Variants in AIG1 observed in about 807,000 individuals in gnomAD.
The protein encoded by AIG1 is androgen induced 1.
A neutral mutation model predicts 31.4 loss-of-function variants in AIG1; 23 were observed. The observed-to-expected ratio is 0.73, with a 90% CI of 0.53 to 1.04. AIG1 has a LOEUF of 1.04. Among genes scored for constraint, AIG1 ranks in the 50% least tolerant of loss-of-function variants. AIG1 has a pLI of 0.00. For synonymous variants in AIG1, 100 were observed against 110.5 expected, an observed-to-expected ratio of 0.90 and a Z score of 0.60; for missense variants, 274 against 295.0, an observed-to-expected ratio of 0.93 and a Z score of 0.52.
chr6:143,285,509 A>G (rs1421135394), intron 4 of AIG1, among the ~76,000 whole-genome samples: 1 of 151,380 alleles, frequency 6.6e-6, no homozygotes, highest in Non-Finnish European at 1.5e-5. Flanking sequence ...TAAAAATACA[A>G]AAAATTAGCC....
In AIG1 at chr6:143,072,139, A is replaced by G. The variant is rs186593065; in HGVS notation, c.141+11073A>G. 9.2e-5 allele frequency among the ~76,000 whole-genome samples: 14 copies of G among 152,188 alleles called. No homozygotes were observed. In the East Asian group the frequency reaches 2.3e-3, roughly 25 times the overall value. ...TTTCAAATGGCTAACGACGTTGAAT[A>G]TATTTTCATGTGCTTACTTGCCATC... is the stretch of plus-strand genomic sequence containing the variant. On this transcript the variant is annotated intron_variant, in intron 1 of 5. Transcript: ENST00000357847.
At chr6:143,323,694 G>A (rs1776397570) in intron 4 of AIG1, among the ~76,000 whole-genome samples, 1 of 152,008 alleles carries the variant, frequency 6.6e-6, no homozygotes, top group African/African-American at 2.4e-5. Flanking sequence ...TGTTCATCAG[G>A]AATCTTGGCA....
intron 4 of AIG1, among the ~76,000 whole-genome samples, chr6:143,320,175 C>T (rs1776093766): frequency 6.6e-6 from 1 of 152,096 alleles, no homozygotes; most frequent in Non-Finnish European, 1.5e-5. Flanking sequence ...AAGATATCAC[C>T]TCACACCAGT....
In AIG1 at chr6:143,297,063, T is replaced by C. The variant is rs1446709435; in HGVS notation, c.515+12838T>C. On this transcript the variant is annotated intron_variant, in intron 4 of 5. Coordinates refer to ENST00000357847, the MANE Select transcript of AIG1 (RefSeq NM_016108.4). The surrounding 1 kb of genome is among the most constrained non-coding windows in gnomAD (Gnocchi z 5.1). ...AAGGATACAGGGAACTAAAAAGCAA[T>C]AGTCATCCAGTTGATAACTGCTATT... Among the ~76,000 whole-genome samples the C allele has an allele frequency of 1.3e-5, 2 of 151,868 alleles. No homozygotes were observed. Among genetic ancestry groups the C allele is most frequent in the Non-Finnish European group, 2.9e-5 (2 of 68,014 alleles).
intron 1 of AIG1, among the ~76,000 whole-genome samples, chr6:143,101,711 C>T (rs1780296211): frequency 6.6e-6 from 1 of 152,112 alleles, no homozygotes; most frequent in Non-Finnish European, 1.5e-5. Flanking sequence ...TCAGTATATA[C>T]TGCTCAGGTT....
intron 1 of AIG1, among the ~76,000 whole-genome samples, chr6:143,122,624 C>G (rs992340301): frequency 6.6e-6 from 1 of 152,144 alleles, no homozygotes; most frequent in Non-Finnish European, 1.5e-5. Context: ...TTTCTCTTAA[C>G]TATTTTCTTG....
At chr6:143,065,117 ATGT>A (rs1313153149) in intron 1 of AIG1, among the ~76,000 whole-genome samples, 1 of 152,164 alleles carries the variant, frequency 6.6e-6, no homozygotes, top group East Asian at 1.9e-4. Flanking sequence ...CAACGGTGGA[ATGT>A]TGTAATGTTG....
intron 3 of AIG1, among the ~76,000 whole-genome samples, chr6:143,265,827 A>G (rs1796115380): frequency 6.6e-6 from 1 of 152,196 alleles, no homozygotes; most frequent in Non-Finnish European, 1.5e-5. Context: ...ATCCTCACTC[A>G]TTCCCTCATT....
intron 3 of AIG1, among the ~76,000 whole-genome samples, chr6:143,238,928 G>A (rs1794014987): frequency 1.3e-5 from 2 of 152,178 alleles, no homozygotes; most frequent in South Asian, 2.1e-4. Context: ...CTTGAATCCA[G>A]ACACTGTAGA....
At chr6:143,139,622 A>G (rs1562417545) in intron 2 of AIG1, among the ~76,000 whole-genome samples, 1 of 151,386 alleles carries the variant, frequency 6.6e-6, no homozygotes, top group Non-Finnish European at 1.5e-5. Context: ...CTAGTCTATT[A>G]TTTTCCTAAA....
At chr6:143,098,167 C>G (rs1779957868) in intron 1 of AIG1, among the ~76,000 whole-genome samples, 1 of 152,210 alleles carries the variant, frequency 6.6e-6, no homozygotes, top group African/African-American at 2.4e-5. Flanking sequence ...GTCTACACTT[C>G]TGGTTTTCAC....
At chr6:143,342,380 C>T (rs1018315297), downstream of AIG1, 4 of 686,876 alleles carry the variant, frequency 5.8e-6, no homozygotes, top group East Asian at 1.0e-4. Context: ...GGTTTAACTT[C>T]TTTATTCAGA....
intron 1 of AIG1, among the ~76,000 whole-genome samples, chr6:143,085,895 C>A (rs1436315463): frequency 6.6e-6 from 1 of 152,188 alleles, no homozygotes; most frequent in African/African-American, 2.4e-5. Flanking sequence ...AGATTTAAAT[C>A]CCCTGTTAGG....
intron 2 of AIG1, 61 bp from the exon 3 acceptor site, chr6:143,165,021 A>G: frequency 7.7e-7 from 1 of 1,294,610 alleles, no homozygotes; most frequent in East Asian, 2.3e-5. Flanking sequence ...TTGTTAACCA[A>G]TAAATTGTAT....
intron 3 of AIG1, among the ~76,000 whole-genome samples, chr6:143,244,683 G>T (rs1370391021): frequency 1.3e-5 from 2 of 152,230 alleles, no homozygotes; most frequent in Admixed American, 6.5e-5. Flanking sequence ...GTATAGTCTG[G>T]AGAGCTGATT....
At chr6:143,118,303 C>CA (rs1781912693) in intron 1 of AIG1, among the ~76,000 whole-genome samples, 1 of 151,906 alleles carries the variant, frequency 6.6e-6, no homozygotes, top group Non-Finnish European at 1.5e-5. Flanking sequence ...TACCAAAATA[C>CA]AAAAAATTAG....
At chr6:143,142,196 C>G (rs1384522149) in intron 2 of AIG1, among the ~76,000 whole-genome samples, 2 of 151,966 alleles carry the variant, frequency 1.3e-5, no homozygotes, top group Non-Finnish European at 2.9e-5. Flanking sequence ...CTCAGTCTCC[C>G]AAGTAGCTAG....
At chr6:143,221,613 A>G (rs926517534) in intron 3 of AIG1, among the ~76,000 whole-genome samples, 11 of 152,214 alleles carry the variant, frequency 7.2e-5, no homozygotes, top group Non-Finnish European at 1.6e-4. Flanking sequence ...TATTGCATTT[A>G]ATAGCTATAT....
At chr6:143,332,970 T>C (rs1182384373) in intron 4 of AIG1, among the ~76,000 whole-genome samples, 1 of 152,224 alleles carries the variant, frequency 6.6e-6, no homozygotes, top group Non-Finnish European at 1.5e-5. Flanking sequence ...AAGCCTATAA[T>C]TTAGTACTGT....
Sources: gnomAD v4.1 joint callset for allele counts (sites outside exome capture counted in the v4.1 genomes callset) on GRCh38, gnomAD v4.1.1 for gene constraint, Gnocchi (gnomAD v3.1) non-coding constraint, MANE v1.5 for transcripts, NCBI Gene and HGNC (gene_info 2026-07-23, HGNC 2026-07-21) for gene names.